Variants in CNGB3 observed in about 807,000 individuals in gnomAD.
The protein encoded by CNGB3 is cyclic nucleotide gated channel subunit beta 3.
A neutral mutation model predicts 92.8 loss-of-function variants in CNGB3; 86 were observed. The ratio of observed to expected loss-of-function variants is 0.93; its 90% CI spans 0.78 to 1.11. The LOEUF (loss-of-function observed/expected upper bound fraction) is 1.11. CNGB3 is among the 50% of genes least tolerant of loss of function. The pLI is 0.00. For missense variants in CNGB3, 1,026 were observed against 956.8 expected, an observed-to-expected ratio of 1.07 and a Z score of -0.95; for synonymous variants, 333 against 332.7, an observed-to-expected ratio of 1.00 and a Z score of -0.01.
chr8:86,598,446 AT>A (rs1486313673), intron 15 of CNGB3, among the ~76,000 whole-genome samples: 1 of 152,208 alleles, frequency 6.6e-6, no homozygotes, highest in Non-Finnish European at 1.5e-5. Flanking sequence ...CCCCAGTAAA[AT>A]TTTGAAAGTG....
At chr8:86,678,021 A>AT (rs1219699294) in intron 3 of CNGB3, among the ~76,000 whole-genome samples, 1 of 152,100 alleles carries the variant, frequency 6.6e-6, no homozygotes, top group Non-Finnish European at 1.5e-5. Context: ...AGTTGGTTCA[A>AT]TTTTTTTAAA....
chr8:86,632,462 T>G (rs1320621166), intron 11 of CNGB3, among the ~76,000 whole-genome samples: 1 of 152,128 alleles, frequency 6.6e-6, no homozygotes, highest in African/African-American at 2.4e-5. Flanking sequence ...AAAAGAGATT[T>G]TAATGGTTTT....
intron 10 of CNGB3, among the ~76,000 whole-genome samples, chr8:86,642,530 A>C (rs1284368083): frequency 1.3e-5 from 2 of 151,534 alleles, no homozygotes; most frequent in Non-Finnish European, 3.0e-5. Flanking sequence ...TAATTTTGTA[A>C]GTTATTTTCC....
intron 10 of CNGB3, among the ~76,000 whole-genome samples, chr8:86,639,512 C>T (rs1457084735): frequency 6.6e-6 from 1 of 151,952 alleles, no homozygotes; most frequent in Non-Finnish European, 1.5e-5. Flanking sequence ...ATTTATGCCC[C>T]ACAGTCTGCT....
chr8:86,615,109 G>A (rs1822592006), intron 13 of CNGB3, among the ~76,000 whole-genome samples: 2 of 152,154 alleles, frequency 1.3e-5, no homozygotes, highest in Non-Finnish European at 2.9e-5. Flanking sequence ...AAGTATACAG[G>A]AGGATGTGGG....
In CNGB3 at chr8:86,722,153, A is replaced by G. The variant is rs144847777; in HGVS notation, c.338+4378T>C. On this transcript the variant is annotated intron_variant, in intron 3 of 17. Transcript: ENST00000320005. ...CATTTCACTCACTCGCTGCTTGTTC[A>G]TCATTTAACCACTTAACCTATCAGC... is the stretch of plus-strand genomic sequence containing the variant. Among the ~76,000 whole-genome samples the G allele has an allele frequency of 4.4e-3, 665 of 152,014 alleles. 6 individuals carry two copies. Among genetic ancestry groups the G allele is most frequent in the Non-Finnish European group, 6.9e-3 (467 of 68,008 alleles).
At chr8:86,580,530 G>A (rs992366365) in intron 15 of CNGB3, among the ~76,000 whole-genome samples, 8 of 152,118 alleles carry the variant, frequency 5.3e-5, no homozygotes, top group African/African-American at 1.9e-4. Flanking sequence ...TTGTTCCTCA[G>A]TGTCATAAGC....
chr8:86,609,498 G>C (rs1200314795), intron 14 of CNGB3, among the ~76,000 whole-genome samples: 2 of 152,066 alleles, frequency 1.3e-5, no homozygotes, highest in East Asian at 1.9e-4. Context: ...ATTCTCAGTT[G>C]CTCTCTCTGA....
intron 6 of CNGB3, among the ~76,000 whole-genome samples, chr8:86,664,588 T>C (rs1020083788): frequency 6.6e-6 from 1 of 152,178 alleles, no homozygotes; most frequent in Non-Finnish European, 1.5e-5. Context: ...TTTTTCTGTT[T>C]CTTAGATTGA....
intron 6 of CNGB3, among the ~76,000 whole-genome samples, chr8:86,665,607 C>A (rs1027340155): frequency 2.0e-5 from 3 of 152,078 alleles, no homozygotes; most frequent in Non-Finnish European, 4.4e-5. Context: ...AACATGGATG[C>A]AGCTGGAGGC....
intron 15 of CNGB3, among the ~76,000 whole-genome samples, chr8:86,603,036 G>T (rs980490154): frequency 1.3e-5 from 2 of 152,060 alleles, no homozygotes; most frequent in East Asian, 3.9e-4. Context: ...TGGTAATCAG[G>T]CTCTTCACCC....
chr8:86,741,185 A>G (rs763922826), intron 1 of CNGB3, among the ~76,000 whole-genome samples: 10 of 152,216 alleles, frequency 6.6e-5, no homozygotes, highest in Non-Finnish European at 1.3e-4. Context: ...TCATTTATTC[A>G]TAGTTCAGAG....
intron 3 of CNGB3, among the ~76,000 whole-genome samples, chr8:86,684,130 A>G (rs1563753314): frequency 6.6e-6 from 1 of 152,158 alleles, no homozygotes; most frequent in Non-Finnish European, 1.5e-5. Context: ...GATATAAAGA[A>G]TTCTCAAAAT....
At chr8:86,594,493 G>A (rs1585956684) in intron 15 of CNGB3, 1 of 297,976 alleles carries the variant, frequency 3.4e-6, no homozygotes, top group Non-Finnish European at 6.4e-6. Flanking sequence ...GACCCGACAC[G>A]TAGCTCTGGA....
intron 13 of CNGB3, among the ~76,000 whole-genome samples, chr8:86,616,067 C>A (rs528357420): frequency 1.3e-5 from 2 of 152,262 alleles, no homozygotes; most frequent in African/African-American, 4.8e-5. Context: ...CAAGCCTGAA[C>A]ATAGATAAGC....
chr8:86,738,895 G>A (rs1428090745), intron 2 of CNGB3, among the ~76,000 whole-genome samples: 1 of 151,792 alleles, frequency 6.6e-6, no homozygotes, highest in East Asian at 1.9e-4. Context: ...AGGAGATTTG[G>A]TGACTAATTT....
intron 3 of CNGB3, chr8:86,707,606 C>A (rs1453332426): frequency 1.3e-5 from 2 of 152,314 alleles, no homozygotes; most frequent in Non-Finnish European, 2.9e-5. Flanking sequence ...TGTGGGCCAT[C>A]ATGAGGACTT....
At chr8:86,689,148 A>C (rs1300992734) in intron 3 of CNGB3, among the ~76,000 whole-genome samples, 1 of 117,576 alleles carries the variant, frequency 8.5e-6, no homozygotes, top group African/African-American at 3.2e-5. Flanking sequence ...TATTGATATA[A>C]TTTCATGTTT....
At chr8:86,728,001 T>A (rs1825092804) in intron 2 of CNGB3, among the ~76,000 whole-genome samples, 1 of 152,036 alleles carries the variant, frequency 6.6e-6, no homozygotes. Context: ...AAAAATTGAG[T>A]CACTCCTTAA....
Sources: allele counts gnomAD v4.1 joint callset (sites outside exome capture counted in the v4.1 genomes callset), GRCh38; gene constraint gnomAD v4.1.1; transcripts MANE v1.5; gene names NCBI Gene and HGNC (gene_info 2026-07-23, HGNC 2026-07-21).